The following GALNT7 variants were observed in gnomAD, a reference collection of about 807,000 sequenced individuals.
GALNT7 encodes the protein polypeptide N-acetylgalactosaminyltransferase 7.
Under a neutral mutation model 82.1 loss-of-function variants are expected in GALNT7, and 60 were observed. The ratio of observed to expected loss-of-function variants is 0.73; its 90% CI spans 0.59 to 0.91. The LOEUF (loss-of-function observed/expected upper bound fraction) is 0.91, where lower values mean the gene tolerates loss of function less well. GALNT7 is among the 40% of genes least tolerant of loss of function. The pLI is 0.00. For synonymous variants in GALNT7, 243 were observed against 275.1 expected (o/e 0.88, Z 1.15); for missense variants, 660 against 804.2 (o/e 0.82, Z 2.17).
At chr4:173,251,022 A>C (rs938026563) in intron 2 of GALNT7, among the ~76,000 whole-genome samples, 2 of 152,176 alleles carry the variant, frequency 1.3e-5, no homozygotes, top group Non-Finnish European at 2.9e-5. Context: ...CAAATTTTAT[A>C]ATTAGATATT....
chr4:173,217,703 T>C (rs962204285), intron 1 of GALNT7, among the ~76,000 whole-genome samples: 4 of 152,228 alleles, frequency 2.6e-5, no homozygotes, highest in African/African-American at 9.6e-5. Context: ...TTCTTAAACC[T>C]TCATACCCAC....
At chr4:173,169,155 C>A (rs887815083) in intron 1 of GALNT7, 194 bp downstream of exon 1, 37 of 250,054 alleles carry the variant, frequency 1.5e-4, no homozygotes, top group African/African-American at 8.0e-4. Flanking sequence ...GCCGCCGGCC[C>A]GCCCCCTCGC....
chr4:173,181,209 C>T (rs1361543457), intron 1 of GALNT7, among the ~76,000 whole-genome samples: 1 of 152,134 alleles, frequency 6.6e-6, no homozygotes, highest in African/African-American at 2.4e-5. Flanking sequence ...AAATTTTTAT[C>T]ACTTAAAATA....
At chr4:173,272,782 T>C in intron 2 of GALNT7, among the ~76,000 whole-genome samples, 1 of 152,238 alleles carries the variant, frequency 6.6e-6, no homozygotes, top group Admixed American at 6.5e-5. Context: ...CAAGATAAAT[T>C]ACTAAGTGTA....
intron 1 of GALNT7, among the ~76,000 whole-genome samples, chr4:173,195,795 T>G (rs145715508): frequency 6.6e-6 from 1 of 152,346 alleles, no homozygotes; most frequent in African/African-American, 2.4e-5. Context: ...GTCTCTTAGT[T>G]AAGACAGTAG....
chr4:173,261,380 G>GT (rs890823037), intron 2 of GALNT7, among the ~76,000 whole-genome samples: 36 of 143,434 alleles, frequency 2.5e-4, no homozygotes, highest in Middle Eastern at 3.6e-3. Flanking sequence ...AGTGGCATCA[G>GT]TTTTTTTTTG....
In GALNT7 at chr4:173,298,254, C is replaced by T; in HGVS notation, c.1105C>T (p.Pro369Ser). Residue 369 changes from proline to serine, a missense_variant, in exon 6 of 12, where the codon CCT becomes TCT. This residue lies in a region of GALNT7 where 527 missense variants were observed against 683.5 expected (regional missense o/e 0.77). Coordinates refer to ENST00000265000, the MANE Select transcript of GALNT7 (RefSeq NM_017423.3). Reference protein sequence around the residue: ...SMLWKRVPLTPQEKRLRKTKT... With the variant: ...SMLWKRVPLTSQEKRLRKTKT... The stretch of plus-strand genomic sequence containing the variant: ...GCTCTGGAAACGGGTGCCTCTGACC[C>T]CTCAAGAGAAGAGACTGAGAAAGAC... The T allele has an allele frequency of 6.2e-7, 1 of 1,600,806 alleles. No homozygotes were observed. The highest frequency in any genetic ancestry group is 8.5e-7 in the Non-Finnish European group (1 of 1,175,788).
At chr4:173,295,908 A>G (rs1460042197) in intron 5 of GALNT7, 65 bp downstream of exon 5, 4 of 887,084 alleles carry the variant, frequency 4.5e-6, no homozygotes, top group Non-Finnish European at 7.7e-6. Context: ...AGGGCAAATA[A>G]TATTTTCATC....
intron 1 of GALNT7, among the ~76,000 whole-genome samples, chr4:173,183,645 C>T (rs551606538): frequency 1.4e-3 from 216 of 152,284 alleles, no homozygotes; most frequent in African/African-American, 5.1e-3. Flanking sequence ...CATCATGGCC[C>T]GTTCTCAATG....
rs1251477475 is a variant in GALNT7 at position 173,323,530 on chromosome 4, C to T, written c.*1813C>T. On this transcript the variant is annotated 3_prime_UTR_variant, in exon 12 of 12. Coordinates refer to ENST00000265000, the MANE Select transcript of GALNT7 (RefSeq NM_017423.3). ...GTGTTTGCAAATAGGCTCCATTTTC[C>T]ATGTTGAGTAGATTATAACCTTATT... 1 of 152,490 alleles carries T rather than the reference C, an allele frequency of 6.6e-6. No individual in the cohort carries two copies. The highest frequency in any genetic ancestry group is 2.4e-5 in the African/African-American group (1 of 41,408). The allele number at this position is 152,490 out of a possible 1,614,324, so 9.4% of individuals were successfully genotyped here. A position where few individuals can be genotyped will look rare whatever the true frequency, so the allele number is the denominator to read the frequency against.
At chr4:173,216,352 G>C (rs576149279) in intron 1 of GALNT7, among the ~76,000 whole-genome samples, 197 of 152,120 alleles carry the variant, frequency 1.3e-3, no homozygotes, top group Non-Finnish European at 2.3e-3. Context: ...GCTTAAAATA[G>C]ATAAGTACAA....
At position 173,168,963 on chromosome 4, in the gene GALNT7, TGA is replaced by T; in HGVS notation, c.126+4_126+5del. 1 of 1,611,142 alleles carries T rather than the reference TGA, an allele frequency of 6.2e-7. No individual in the cohort carries two copies. Among genetic ancestry groups the T allele is most frequent in the Non-Finnish European group, 8.5e-7 (1 of 1,178,362 alleles). ...CCAAGCCCGCTGAGCAGGATGAGGG[TGA>T]GTGACCCGCCCGGCCCCCTCCGGCG... is the stretch of plus-strand genomic sequence containing the variant. On this transcript the variant is annotated splice_donor_region_variant and intron_variant, in intron 1 of 11. Transcript: ENST00000265000.
intron 2 of GALNT7, among the ~76,000 whole-genome samples, chr4:173,270,016 A>G (rs1735666406): frequency 1.3e-5 from 2 of 152,240 alleles, no homozygotes; most frequent in Non-Finnish European, 2.9e-5. Flanking sequence ...ACTAGATGAT[A>G]TAAATGTATG....
intron 1 of GALNT7, among the ~76,000 whole-genome samples, chr4:173,178,639 G>A (rs967856686): frequency 6.6e-6 from 1 of 152,162 alleles, no homozygotes; most frequent in Admixed American, 6.5e-5. Context: ...TGCCGACAGG[G>A]AGACCTGATT....
chr4:173,220,266 GT>G (rs1733601999), intron 1 of GALNT7, among the ~76,000 whole-genome samples: 1 of 152,066 alleles, frequency 6.6e-6, no homozygotes, highest in Admixed American at 6.6e-5. Flanking sequence ...CCCACTTTAT[GT>G]TTTTGTTTGC....
chr4:173,169,030 G>T, intron 1 of GALNT7, 69 bp downstream of exon 1: 1 of 1,512,354 alleles, frequency 6.6e-7, no homozygotes, highest in Non-Finnish European at 9.0e-7. Context: ...CGCGTGTGGA[G>T]GGAGCAGGGG....
intron 1 of GALNT7, among the ~76,000 whole-genome samples, chr4:173,185,972 G>T (rs756098018): frequency 3.9e-5 from 6 of 152,224 alleles, no homozygotes; most frequent in Non-Finnish European, 5.9e-5. Flanking sequence ...CTTGATTATG[G>T]TATTCCTTAT....
At chr4:173,261,455 C>G (rs1735259523) in intron 2 of GALNT7, among the ~76,000 whole-genome samples, 1 of 151,962 alleles carries the variant, frequency 6.6e-6, no homozygotes, top group Non-Finnish European at 1.5e-5. Context: ...ATTCAAGGAC[C>G]TGCACTACAC....
intron 8 of GALNT7, among the ~76,000 whole-genome samples, chr4:173,307,662 A>G (rs1356443307): frequency 6.6e-6 from 1 of 152,174 alleles, no homozygotes; most frequent in East Asian, 1.9e-4. Context: ...CAGGGCCTGG[A>G]GATGGGGCAT....
Sources: gnomAD v4.1 joint callset for allele counts (sites outside exome capture counted in the v4.1 genomes callset) on GRCh38, gnomAD v4.1.1 for gene constraint, gnomAD v4.1.1 regional missense constraint, MANE v1.5 for transcripts, NCBI Gene and HGNC (gene_info 2026-07-23, HGNC 2026-07-21) for gene names.